The following CCDC38 variants were observed in gnomAD, a reference collection of about 807,000 sequenced individuals.
CCDC38 encodes coiled-coil domain-containing protein 38.
CCDC38 carries 69 observed loss-of-function variants against 72.8 expected under a neutral mutation model. The observed-to-expected ratio is 0.95, with a 90% CI of 0.78 to 1.16. The LOEUF is 1.16. CCDC38 is among the 50% of genes most tolerant of loss of function. The pLI is 0.00. For missense variants in CCDC38, 626 were observed against 638.9 expected (o/e 0.98, Z 0.22); for synonymous variants, 201 against 213.2 (o/e 0.94, Z 0.50).
At chr12:95,903,552 G>A (rs79685113) in intron 5 of CCDC38, 1 of 679,130 alleles carries the variant, frequency 1.5e-6, no homozygotes. Flanking sequence ...TTATAAAGTT[G>A]AGGAACTTCT....
chr12:95,921,525 A>G (rs10859983), intron 2 of CCDC38, among the ~76,000 whole-genome samples: 65,620 of 151,924 alleles, frequency 0.43, 14,548 homozygotes, highest in Admixed American at 0.54. Flanking sequence ...ACTTCCAAAC[A>G]TGTATAAAAC....
chr12:95,892,081 CTTTTTT>C (rs67478657), intron 8 of CCDC38, among the ~76,000 whole-genome samples: 2 of 97,976 alleles, frequency 2.0e-5, no homozygotes, highest in African/African-American at 4.6e-5. Context: ...GATCACTCTG[CTTTTTT>C]TTTTTTTTTT....
intron 8 of CCDC38, among the ~76,000 whole-genome samples, chr12:95,894,312 G>A (rs891143755): frequency 3.3e-5 from 5 of 152,270 alleles, no homozygotes; most frequent in African/African-American, 1.2e-4. Flanking sequence ...AAATCAAACA[G>A]TCTCTCAGGT....
intron 2 of CCDC38, among the ~76,000 whole-genome samples, chr12:95,931,760 T>A (rs1328830091): frequency 6.6e-6 from 1 of 152,210 alleles, no homozygotes; most frequent in East Asian, 1.9e-4. Context: ...GTAACTTTTA[T>A]GTTTTAAAGT....
At chr12:95,932,204 G>C (rs1426887543) in intron 2 of CCDC38, among the ~76,000 whole-genome samples, 1 of 152,150 alleles carries the variant, frequency 6.6e-6, no homozygotes, top group East Asian at 1.9e-4. Context: ...CAAGGATTGA[G>C]ATCAGACTAG....
At chr12:95,869,763 G>T in intron 14 of CCDC38, 190 bp from the exon 15 acceptor site, 1 of 507,308 alleles carries the variant, frequency 2.0e-6, no homozygotes, top group South Asian at 2.6e-5. Flanking sequence ...ATACTATTTT[G>T]AAATGGGAAG....
chr12:95,878,203 T>G lies in CCDC38; in HGVS notation c.1278+8A>C, dbSNP rs751234097. 4 of 1,611,976 alleles carry G rather than the reference T, an allele frequency of 2.5e-6. No homozygotes were observed. In the African/African-American group the frequency reaches 5.3e-5, roughly 22 times the overall value. ...AAATGAAATCACCATAGGCAAAGAG[T>G]GATTTACCTGAGCATCTGAATTAAA... On this transcript the variant is annotated splice_region_variant and intron_variant, in intron 13 of 15. Coordinates refer to ENST00000344280, the MANE Select transcript of CCDC38 (RefSeq NM_182496.3).
chr12:95,904,525 TG>T (rs928883113), intron 5 of CCDC38, among the ~76,000 whole-genome samples: 2 of 152,244 alleles, frequency 1.3e-5, no homozygotes, highest in African/African-American at 4.8e-5. Flanking sequence ...AGGCAGAGCC[TG>T]AGTAAGTTCT....
chr12:95,933,358 A>T (rs1229465162), intron 2 of CCDC38: 1 of 152,220 alleles, frequency 6.6e-6, no homozygotes, highest in Non-Finnish European at 1.5e-5. Flanking sequence ...CTAACAACCT[A>T]AAGAAAAATA....
At chr12:95,888,168 A>AT in intron 10 of CCDC38, among the ~76,000 whole-genome samples, 1 of 152,230 alleles carries the variant, frequency 6.6e-6, no homozygotes, top group Non-Finnish European at 1.5e-5. Flanking sequence ...GCAAACACAC[A>AT]GGCTAGCAGA....
intron 5 of CCDC38, chr12:95,903,387 CTT>C: frequency 1.5e-6 from 1 of 670,148 alleles, no homozygotes; most frequent in South Asian, 1.6e-5. Flanking sequence ...ATTTTTTTTT[CTT>C]GTCTTATTGC....
intron 5 of CCDC38, among the ~76,000 whole-genome samples, chr12:95,905,216 G>A (rs115332199): frequency 1.6e-4 from 25 of 152,142 alleles, no homozygotes; most frequent in Middle Eastern, 3.4e-3. Flanking sequence ...TTGATCTGCA[G>A]TTTGTTAAAT....
At position 95,929,082 on chromosome 12, in the gene CCDC38, C is replaced by T. The variant is rs535298171; in HGVS notation, c.37+7391G>A. On this transcript the variant is annotated intron_variant, in intron 2 of 15. Coordinates refer to ENST00000344280, the MANE Select transcript of CCDC38 (RefSeq NM_182496.3). ...TGGGCTCCACCCAGTTCGAGCTTCC[C>T]GGCTGCTTTGTTTACCTAAGCAAGC... is the stretch of plus-strand genomic sequence containing the variant. Among the ~76,000 whole-genome samples the T allele has an allele frequency of 5.2e-4, 79 of 152,290 alleles. 1 individual carries two copies. In the South Asian group the frequency reaches 8.5e-3, roughly 16 times the overall value.
chr12:95,871,187 G>T (rs1311072148), intron 14 of CCDC38, among the ~76,000 whole-genome samples: 1 of 152,138 alleles, frequency 6.6e-6, no homozygotes, highest in African/African-American at 2.4e-5. Flanking sequence ...CTCAAACTAG[G>T]ACAGTAGGCC....
chr12:95,936,370 T>C, intron 2 of CCDC38, 103 bp downstream of exon 2: 4 of 1,031,316 alleles, frequency 3.9e-6, no homozygotes, highest in Non-Finnish European at 5.6e-6. Context: ...CATTACATTT[T>C]ATATTTATGG....
intron 4 of CCDC38, among the ~76,000 whole-genome samples, chr12:95,912,105 A>G (rs181666784): frequency 1.1e-4 from 16 of 152,346 alleles, no homozygotes; most frequent in African/African-American, 3.6e-4. Context: ...TAAGTGAATT[A>G]ACACAGAAAC....
rs373255744 is a variant in CCDC38, at chr12:95,912,927, C to T, written c.304+4202G>A. Reference sequence around the variant, plus strand: ...TATACAAAAATTAGCCAGGCGTGGTCGTGTGTGCCTGTAGTCCCAGCTACT... The same window carrying T: ...TATACAAAAATTAGCCAGGCGTGGTTGTGTGTGCCTGTAGTCCCAGCTACT... On this transcript the variant is annotated intron_variant, in intron 4 of 15. Transcript: ENST00000344280. 1.1e-4 allele frequency among the ~76,000 whole-genome samples: 16 copies of T among 151,890 alleles called. No individual in the cohort carries two copies. The East Asian group carries it at 2.7e-3, about 26-fold the overall frequency.
intron 7 of CCDC38, 92 bp from the exon 8 acceptor site, chr12:95,895,238 A>G (rs1337728981): frequency 5.1e-6 from 4 of 778,754 alleles, no homozygotes; most frequent in East Asian, 3.0e-5. Flanking sequence ...TCTCTTATGT[A>G]CTGAATTAAT....
intron 8 of CCDC38, among the ~76,000 whole-genome samples, chr12:95,893,971 A>G (rs754603169): frequency 2.0e-4 from 31 of 152,230 alleles, no homozygotes; most frequent in Non-Finnish European, 4.3e-4. Flanking sequence ...TGTTAGGTTA[A>G]TAAAACATGA....
Sources: gnomAD v4.1 joint callset for allele counts (sites outside exome capture counted in the v4.1 genomes callset) on GRCh38, gnomAD v4.1.1 for gene constraint, MANE v1.5 for transcripts, NCBI Gene and HGNC (gene_info 2026-07-23, HGNC 2026-07-21) for gene names.